Variants in C13orf46 observed in about 807,000 individuals in gnomAD.
The protein encoded by C13orf46 is uncharacterized protein C13orf46.
chr13:113,968,441 C>T (rs1290746139), intron 4 of C13orf46, 26 bp downstream of exon 4: 1 of 152,258 alleles, frequency 6.6e-6, no homozygotes, highest in Non-Finnish European at 1.5e-5. Context: ...CTTCTCACTT[C>T]TATTACTAAA....
chr13:113,950,555 C>T (rs964545437), downstream of C13orf46, among the ~76,000 whole-genome samples: 11 of 152,240 alleles, frequency 7.2e-5, no homozygotes, highest in Admixed American at 6.5e-4. Flanking sequence ...CCTGCCTCTC[C>T]CCAGAGTGGC....
chr13:113,957,025 T>C (rs2052540793), intron 6 of C13orf46, among the ~76,000 whole-genome samples, 186 bp from the exon 7 acceptor site: 1 of 150,506 alleles, frequency 6.6e-6, no homozygotes, highest in Non-Finnish European at 1.5e-5. Flanking sequence ...GCACCCCCGT[T>C]CATCAAGTGC....
chr13:113,968,082 A>C (rs1198316497), intron 4 of C13orf46, among the ~76,000 whole-genome samples: 3 of 152,046 alleles, frequency 2.0e-5, no homozygotes, highest in Non-Finnish European at 2.9e-5. Context: ...TTGGAGGGAG[A>C]ACAAAAGCCA....
downstream of C13orf46, among the ~76,000 whole-genome samples, chr13:113,951,908 A>G (rs1267178352): frequency 3.3e-5 from 5 of 152,206 alleles, no homozygotes; most frequent in Non-Finnish European, 7.3e-5. Flanking sequence ...GCCACAGTGC[A>G]ACGCGACCCC....
At chr13:113,951,967 A>G (rs1487960181), downstream of C13orf46, among the ~76,000 whole-genome samples, 1 of 152,222 alleles carries the variant, frequency 6.6e-6, no homozygotes, top group African/African-American at 2.4e-5. Flanking sequence ...CACCATCTAT[A>G]TGCACAGGGA....
rs988555897 is a variant in C13orf46, at chr13:113,953,887, T to C, written c.*2886A>G. On this transcript the variant is annotated 3_prime_UTR_variant, in exon 7 of 7. Transcript: ENST00000636427. Reference sequence around the variant, plus strand: ...TCACACCCAACTGCCCGGCAGCCTGTCCAGGACAGCCCGTCCAGGGCCCAT... The same window carrying C: ...TCACACCCAACTGCCCGGCAGCCTGCCCAGGACAGCCCGTCCAGGGCCCAT... The C allele has an allele frequency of 6.6e-6, 1 of 152,388 alleles. No individual in the cohort carries two copies. The highest frequency in any genetic ancestry group is 1.9e-4 in the East Asian group (1 of 5,182). The allele number at this position is 152,388 out of a possible 1,614,324, so 9.4% of individuals were successfully genotyped here.
intron 6 of C13orf46, among the ~76,000 whole-genome samples, chr13:113,959,433 T>C (rs1269332788): frequency 1.3e-5 from 2 of 152,160 alleles, no homozygotes; most frequent in Non-Finnish European, 2.9e-5. Context: ...TCTGGCCAGG[T>C]TGAGCAGGTG....
intron 1 of C13orf46, among the ~76,000 whole-genome samples, chr13:113,971,717 G>A (rs2052707794): frequency 6.6e-6 from 1 of 152,218 alleles, no homozygotes; most frequent in Non-Finnish European, 1.5e-5. Context: ...GGCACCTGTG[G>A]GTGCACGTGG....
the C13orf46 span, among the ~76,000 whole-genome samples, chr13:113,929,390 G>A: frequency 6.6e-6 from 1 of 152,248 alleles, no homozygotes; most frequent in African/African-American, 2.4e-5. Flanking sequence ...CTGCACATGT[G>A]GCAGCTTCAG....
the C13orf46 span, among the ~76,000 whole-genome samples, chr13:113,935,339 C>A: frequency 2.0e-5 from 3 of 152,220 alleles, no homozygotes; most frequent in Non-Finnish European, 4.4e-5. Flanking sequence ...TGGCCCTGAC[C>A]GCTGCTTCTC....
chr13:113,961,492 T>TTTTTTTTTTTTGAGACGGA (rs2052586352), intron 6 of C13orf46, among the ~76,000 whole-genome samples: 1 of 148,912 alleles, frequency 6.7e-6, no homozygotes, highest in Non-Finnish European at 1.5e-5. Context: ...GTTTTCTTGT[T>TTTTTTTTTTTTGAGACGGA]GGTTAGAAGC....
At chr13:113,972,375 C>T (rs1225006741) in intron 1 of C13orf46, among the ~76,000 whole-genome samples, 1 of 152,228 alleles carries the variant, frequency 6.6e-6, no homozygotes, top group Non-Finnish European at 1.5e-5. Context: ...ATTTTTACAT[C>T]ATTACCTCTT....
chr13:113,940,009 C>T, the C13orf46 span, among the ~76,000 whole-genome samples: 3 of 152,212 alleles, frequency 2.0e-5, no homozygotes, highest in Non-Finnish European at 4.4e-5. Context: ...GCAGGGGGAC[C>T]AGGATGCCCG....
chr13:113,935,123 G>C, the C13orf46 span, among the ~76,000 whole-genome samples: 1 of 152,242 alleles, frequency 6.6e-6, no homozygotes, highest in African/African-American at 2.4e-5. Context: ...TCCCAGCACA[G>C]CCCGAGGGGG....
intron 5 of C13orf46, among the ~76,000 whole-genome samples, chr13:113,966,397 AATG>A (rs2052648394): frequency 1.4e-5 from 2 of 144,280 alleles, no homozygotes; most frequent in African/African-American, 5.3e-5. Flanking sequence ...TGATGGTATT[AATG>A]ATGGTGATGA....
intron 1 of C13orf46, among the ~76,000 whole-genome samples, chr13:113,972,799 G>A (rs2052722738): frequency 6.6e-6 from 1 of 152,204 alleles, no homozygotes. Context: ...TTGCAAACGG[G>A]GCGCCTGGCT....
At chr13:113,946,971 G>A in the C13orf46 span, among the ~76,000 whole-genome samples, 1 of 152,234 alleles carries the variant, frequency 6.6e-6, no homozygotes, top group Non-Finnish European at 1.5e-5. Context: ...GGCACCCGTG[G>A]TTACTGCTGG....
the C13orf46 span, among the ~76,000 whole-genome samples, chr13:113,934,619 G>A: frequency 6.6e-6 from 1 of 152,258 alleles, no homozygotes; most frequent in Non-Finnish European, 1.5e-5. Context: ...ACGGTGAATC[G>A]AACTGCCCTC....
intron 1 of C13orf46, among the ~76,000 whole-genome samples, chr13:113,971,408 C>T (rs900888888): frequency 1.3e-5 from 2 of 152,210 alleles, no homozygotes; most frequent in African/African-American, 4.8e-5. Flanking sequence ...GAGGGGCTGC[C>T]CCCAACAGAG....
Sources: gnomAD v4.1 joint callset for allele counts (sites outside exome capture counted in the v4.1 genomes callset) on GRCh38, gnomAD v4.1.1 for gene constraint, MANE v1.5 for transcripts, NCBI Gene and HGNC (gene_info 2026-07-23, HGNC 2026-07-21) for gene names.